SPON2: variants seen among roughly 807,000 people sequenced by gnomAD.
The protein encoded by SPON2 is spondin 2.
Under a neutral mutation model 29.9 loss-of-function variants are expected in SPON2, and 32 were observed. The observed-to-expected ratio is 1.07, with a 90% confidence interval of 0.81 to 1.44. The LOEUF (loss-of-function observed/expected upper bound fraction) is 1.44. Among genes scored for constraint, SPON2 ranks in the 40% most tolerant of loss-of-function variants. SPON2 has a pLI of 0.00. For synonymous variants in SPON2, 248 were observed against 209.1 expected (o/e 1.19, Z -1.61); for missense variants, 541 against 455.5 (o/e 1.19, Z -1.71).
chr4:1,174,450 G>A (rs1445641708), upstream of SPON2, among the ~76,000 whole-genome samples: 8 of 142,060 alleles, frequency 5.6e-5, no homozygotes, highest in Admixed American at 5.1e-4. Context: ...TCGCGCCACT[G>A]CAGTCCAGCC....
chr4:1,195,771 G>A (rs1411120957), upstream of SPON2, among the ~76,000 whole-genome samples: 1 of 151,822 alleles, frequency 6.6e-6, no homozygotes, highest in African/African-American at 2.4e-5. Flanking sequence ...CAAGTAGTTG[G>A]GACTACAGGT....
intron 1 of SPON2, among the ~76,000 whole-genome samples, chr4:1,183,260 A>C (rs1027405870): frequency 1.4e-3 from 212 of 151,526 alleles, no homozygotes; most frequent in Non-Finnish European, 2.8e-3. Flanking sequence ...AAAAAACAAA[A>C]AAGAAAGAGA....
chr4:1,194,865 CCCACAGCCGGCGGCTCCAACG>C (rs1553832663), intron 1 of SPON2: 3 of 126,434 alleles, frequency 2.4e-5, no homozygotes, highest in Admixed American at 2.3e-4. Context: ...GAGGCCTCAC[CCCACAGCCGGCGGCTCCAACG>C]CCACAGCCGG....
At position 1,171,910 on chromosome 4, in the gene SPON2, C is replaced by A. The variant is rs376180391; in HGVS notation, c.162G>T (p.Thr54=). ...SITFTGKWSQ[T]AFPKQYPLFR... Reference sequence around the variant, plus strand: ...ACAGGGGGTACTGCTTGGGGAAGGCCGTCTGGCTCCACTTGCCCGTGAAGG... The same window carrying A: ...ACAGGGGGTACTGCTTGGGGAAGGCAGTCTGGCTCCACTTGCCCGTGAAGG... Residue 54 remains threonine (T), a synonymous_variant, in exon 2 of 6, where the codon ACG becomes ACT. Coordinates refer to ENST00000290902, the MANE Select transcript of SPON2 (RefSeq NM_012445.4). The A allele has an allele frequency of 6.2e-6, 10 of 1,612,992 alleles. No homozygotes were observed. The Middle Eastern group carries it at 4.9e-4, about 80-fold the overall frequency.
At chr4:1,200,595 T>C (rs1208906138) in intron 1 of SPON2, 1 of 346,206 alleles carries the variant, frequency 2.9e-6, no homozygotes, top group East Asian at 7.9e-5. Context: ...TGGTTTCCTC[T>C]GGCTGCCCCC....
upstream of SPON2, among the ~76,000 whole-genome samples, chr4:1,197,960 A>G (rs1365112603): frequency 6.6e-6 from 1 of 150,538 alleles, no homozygotes; most frequent in Non-Finnish European, 1.5e-5. Context: ...AGACAGAACA[A>G]TTGCTTGAAT....
chr4:1,192,616 G>C (rs1443973251), intron 1 of SPON2, among the ~76,000 whole-genome samples: 1 of 152,202 alleles, frequency 6.6e-6, no homozygotes, highest in Non-Finnish European at 1.5e-5. Flanking sequence ...GGCTAAGCCG[G>C]AGCTGCCCGG....
intron 1 of SPON2, among the ~76,000 whole-genome samples, chr4:1,184,144 T>C (rs1453051786): frequency 1.3e-5 from 2 of 152,096 alleles, no homozygotes; most frequent in East Asian, 1.9e-4. Context: ...GCCCAGCTAA[T>C]TTTTCGTAGA....
At chr4:1,171,818 G>C in intron 2 of SPON2, 34 bp downstream of exon 2, 1 of 1,495,450 alleles carries the variant, frequency 6.7e-7, no homozygotes. Context: ...AGCCCTCCTG[G>C]TGGAGCAGGA....
upstream of SPON2, among the ~76,000 whole-genome samples, chr4:1,198,197 G>A (rs1728113733): frequency 6.6e-6 from 1 of 152,210 alleles, no homozygotes; most frequent in Non-Finnish European, 1.5e-5. Context: ...CTCGGCCGGG[G>A]CAGCTGCTTC....
chr4:1,194,174 G>A (rs1230150328), intron 1 of SPON2, among the ~76,000 whole-genome samples: 5 of 152,060 alleles, frequency 3.3e-5, no homozygotes, highest in East Asian at 3.9e-4. Flanking sequence ...CCCTCCGGCC[G>A]GCCTCCCTCC....
intron 1 of SPON2, 144 bp from the exon 2 acceptor site, chr4:1,172,218 C>T (rs969989784): frequency 1.7e-5 from 12 of 716,644 alleles, no homozygotes; most frequent in Non-Finnish European, 2.7e-5. Context: ...AGCTCTCCTG[C>T]GGTGCTTCCG....
chr4:1,198,040 T>A (rs1728107619), upstream of SPON2, among the ~76,000 whole-genome samples: 1 of 84,450 alleles, frequency 1.2e-5, no homozygotes. Flanking sequence ...AAAGTGAGAC[T>A]CTGTTTCAAA....
intron 1 of SPON2, among the ~76,000 whole-genome samples, chr4:1,191,882 T>C (rs1727921325): frequency 6.6e-6 from 1 of 152,174 alleles, no homozygotes; most frequent in Non-Finnish European, 1.5e-5. Context: ...TTCAGGTACA[T>C]AGCTCCCAGG....
chr4:1,207,072 T>C (rs1728360421), intron 1 of SPON2, among the ~76,000 whole-genome samples: 1 of 150,822 alleles, frequency 6.6e-6, no homozygotes, highest in African/African-American at 2.4e-5. Context: ...AGGCTGGAGT[T>C]GGTGTGGGCA....
chr4:1,173,459 A>G (rs962865768), upstream of SPON2, among the ~76,000 whole-genome samples: 1 of 152,150 alleles, frequency 6.6e-6, no homozygotes, highest in African/African-American at 2.4e-5. Context: ...TGCGGTGCAG[A>G]GCCCTCCCAG....
At chr4:1,188,382 T>C (rs1727845224) in intron 1 of SPON2, among the ~76,000 whole-genome samples, 1 of 152,138 alleles carries the variant, frequency 6.6e-6, no homozygotes, top group Non-Finnish European at 1.5e-5. Flanking sequence ...GTATGTAGTG[T>C]CAACTAAATG....
chr4:1,172,816 G>A (rs1413348866), upstream of SPON2: 1 of 151,472 alleles, frequency 6.6e-6, no homozygotes, highest in East Asian at 1.9e-4. Context: ...TCCCCTGGCA[G>A]TGCTGCCGCA....
upstream of SPON2, chr4:1,199,122 G>A (rs1342397436): frequency 1.3e-5 from 2 of 152,164 alleles, no homozygotes; most frequent in African/African-American, 4.8e-5. The surrounding 1 kb of genome is among the most constrained non-coding windows in gnomAD (Gnocchi z 4.5). Flanking sequence ...AATCAGGCCA[G>A]GTGCGGTGGC....
Sources: gnomAD v4.1 joint callset for allele counts (sites outside exome capture counted in the v4.1 genomes callset) on GRCh38, gnomAD v4.1.1 for gene constraint, Gnocchi (gnomAD v3.1) non-coding constraint, MANE v1.5 for transcripts, NCBI Gene and HGNC (gene_info 2026-07-23, HGNC 2026-07-21) for gene names.